The following FREM3 variants were observed in gnomAD, a reference collection of about 807,000 sequenced individuals.
FREM3 encodes FRAS1 related extracellular matrix 3.
In FREM3, 105 loss-of-function variants were observed where a neutral mutation model predicts 129.1. The observed-to-expected ratio is 0.81, with a 90% CI of 0.69 to 0.96. The LOEUF (loss-of-function observed/expected upper bound fraction) is 0.96. FREM3 is among the 40% of genes least tolerant of loss of function. The probability of loss-of-function intolerance (pLI) is 0.00; values close to 1 mark genes in which losing one functional copy is unlikely to be tolerated. For synonymous variants in FREM3, 1,014 were observed against 1,044.9 expected (o/e 0.97, Z 0.57); for missense variants, 2,593 against 2,666.3 (o/e 0.97, Z 0.61).
Position 143,700,066 on chromosome 4 carries a change from C to G in FREM3, c.610G>C (p.Ala204Pro). 1.3e-6 allele frequency: 2 copies of G among 1,523,872 alleles called. No individual in the cohort carries two copies. The highest frequency in any genetic ancestry group is 1.8e-6 in the Non-Finnish European group (2 of 1,137,276). The allele number at this position is 1,523,872 out of a possible 1,614,324, so 94.4% of individuals were successfully genotyped here. ...GGGGTAAGCCGGCACCTGCGGGTGGCCGTGGCTCCAGACTTCAGGGAGGCG... is the reference window on the plus strand; with the variant it reads ...GGGGTAAGCCGGCACCTGCGGGTGGGCGTGGCTCCAGACTTCAGGGAGGCG... ...DFASLKSGAT[A>P]TRRCRLTPLP... The change falls in exon 1 of 8, where the codon GCC (alanine) becomes CCC (proline). Residue 204 changes from alanine to proline, a missense_variant. Ala to Pro is a conservative substitution (Grantham distance 27). Coordinates refer to ENST00000329798, the MANE Select transcript of FREM3 (RefSeq NM_001168235.2).
At chr4:143,662,738 C>G (rs539148016) in intron 2 of FREM3, among the ~76,000 whole-genome samples, 3 of 152,024 alleles carry the variant, frequency 2.0e-5, no homozygotes, top group African/African-American at 7.2e-5. Flanking sequence ...ATAGGTCACT[C>G]AGGACTTGCT....
At chr4:143,623,797 C>T (rs1205699053) in intron 4 of FREM3, among the ~76,000 whole-genome samples, 1 of 152,030 alleles carries the variant, frequency 6.6e-6, no homozygotes, top group African/African-American at 2.4e-5. Context: ...GAAATGAGCC[C>T]TGAGGATTAG....
At chr4:143,613,355 C>G (rs771942107) in intron 5 of FREM3, among the ~76,000 whole-genome samples, 1 of 152,100 alleles carries the variant, frequency 6.6e-6, no homozygotes, top group Admixed American at 6.5e-5. Flanking sequence ...GCTTTGAAAC[C>G]TTATTATCTC....
chr4:143,624,060 C>A (rs371507170), intron 4 of FREM3, 48 bp downstream of exon 4: 1 of 1,101,094 alleles, frequency 9.1e-7, no homozygotes, highest in African/African-American at 1.6e-5. Flanking sequence ...GGAAATGGAG[C>A]CAAGAACCTG....
Position 143,668,230 on chromosome 4 carries a change from A to C in FREM3, c.5275+24883T>G, listed in dbSNP as rs571781680. Reference sequence around the variant, plus strand: ...GATGAGTATCCAGAGCTTATTCTACAAGCTGGGTCAAAGAAATAAAAAGCA... The same window carrying C: ...GATGAGTATCCAGAGCTTATTCTACCAGCTGGGTCAAAGAAATAAAAAGCA... On this transcript the variant is annotated intron_variant, in intron 2 of 7. Coordinates refer to ENST00000329798, the MANE Select transcript of FREM3 (RefSeq NM_001168235.2). 4.6e-5 allele frequency among the ~76,000 whole-genome samples: 7 copies of C among 152,322 alleles called. No individual in the cohort carries two copies. In the South Asian group the frequency reaches 8.3e-4, roughly 18 times the overall value.
rs186282491 is a variant in FREM3, at chr4:143,613,992, T to G, written c.5780-2465A>C. Among the ~76,000 whole-genome samples, 4 of 152,370 alleles carry G rather than the reference T, an allele frequency of 2.6e-5. No individual in the cohort carries two copies. In the East Asian group the frequency reaches 7.7e-4, roughly 29 times the overall value. ...GATTTTTTCTTTTTCTGTTTAATTT[T>G]TTTTTATATTTGACCAATCCACTGG... On this transcript the variant is annotated intron_variant, in intron 5 of 7. Transcript: ENST00000329798.
chr4:143,683,380 G>T (rs1446728904), intron 2 of FREM3, among the ~76,000 whole-genome samples: 1 of 152,194 alleles, frequency 6.6e-6, no homozygotes, highest in East Asian at 1.9e-4. Context: ...GGTAAAGGGA[G>T]ACCCTCCTCT....
chr4:143,578,794 G>A (rs1738083438), intron 7 of FREM3, among the ~76,000 whole-genome samples: 1 of 152,130 alleles, frequency 6.6e-6, no homozygotes, highest in Non-Finnish European at 1.5e-5. Flanking sequence ...AAAGCATCAA[G>A]GTGTTGAGAG....
intron 7 of FREM3, among the ~76,000 whole-genome samples, chr4:143,584,050 TG>T (rs533184598): frequency 3.5e-4 from 53 of 152,346 alleles, no homozygotes; most frequent in African/African-American, 1.3e-3. Flanking sequence ...AACCACATGC[TG>T]TCTTCAAAAG....
At chr4:143,615,251 T>C (rs1476883587) in intron 5 of FREM3, among the ~76,000 whole-genome samples, 1 of 152,254 alleles carries the variant, frequency 6.6e-6, no homozygotes, top group Non-Finnish European at 1.5e-5. Flanking sequence ...CATCTCCTGA[T>C]AGTCAGCCTG....
chr4:143,646,037 G>A lies in FREM3; in HGVS notation c.5276-18277C>T, dbSNP rs147012201. 1.5e-3 allele frequency among the ~76,000 whole-genome samples: 229 copies of A among 152,316 alleles called. 1 individual carries two copies. The highest frequency in any genetic ancestry group is 4.8e-3 in the African/African-American group (201 of 41,566). ...TAGGGGGAGATTTGCCCCTTCCCCAGTGAGAGAGATGAAGTATTTTAATGT... is the reference window on the plus strand; with the variant it reads ...TAGGGGGAGATTTGCCCCTTCCCCAATGAGAGAGATGAAGTATTTTAATGT... On this transcript the variant is annotated intron_variant, in intron 2 of 7. Coordinates refer to ENST00000329798, the MANE Select transcript of FREM3 (RefSeq NM_001168235.2).
At chr4:143,637,311 A>G (rs996248646) in intron 2 of FREM3, among the ~76,000 whole-genome samples, 1 of 152,180 alleles carries the variant, frequency 6.6e-6, no homozygotes, top group Admixed American at 6.5e-5. Flanking sequence ...CTTGGAATAG[A>G]AGAATTGGCA....
chr4:143,634,999 A>G (rs907800854), intron 2 of FREM3, among the ~76,000 whole-genome samples: 1 of 152,106 alleles, frequency 6.6e-6, no homozygotes. Context: ...TGCATTAACA[A>G]TTGTATTCTG....
chr4:143,627,445 C>T (rs1739060019), intron 3 of FREM3, among the ~76,000 whole-genome samples, 169 bp downstream of exon 3: 1 of 152,112 alleles, frequency 6.6e-6, no homozygotes, highest in South Asian at 2.1e-4. Flanking sequence ...ATCTAAGCCC[C>T]ATAACTCACA....
intron 2 of FREM3, among the ~76,000 whole-genome samples, chr4:143,672,558 C>T (rs975892656): frequency 1.6e-4 from 25 of 152,180 alleles, no homozygotes; most frequent in Non-Finnish European, 3.5e-4. Flanking sequence ...GTGAATCTGA[C>T]AATTATGCGT....
chr4:143,648,620 T>C (rs1328796796), intron 2 of FREM3, among the ~76,000 whole-genome samples: 5 of 152,228 alleles, frequency 3.3e-5, no homozygotes, highest in Non-Finnish European at 7.3e-5. Flanking sequence ...TCACTTCTCC[T>C]TCCTGCCACT....
chr4:143,603,052 T>A (rs144402280), intron 6 of FREM3, among the ~76,000 whole-genome samples: 1 of 152,292 alleles, frequency 6.6e-6, no homozygotes, highest in East Asian at 1.9e-4. Flanking sequence ...AAGGAGAGAA[T>A]CTATTAACCA....
intron 6 of FREM3, among the ~76,000 whole-genome samples, chr4:143,595,616 C>A (rs192325733): frequency 6.6e-6 from 1 of 152,062 alleles, no homozygotes; most frequent in Admixed American, 6.5e-5. Flanking sequence ...AGCCGGGCAC[C>A]GTGGCTCTTG....
chr4:143,672,589 G>C (rs1367586507), intron 2 of FREM3, among the ~76,000 whole-genome samples: 1 of 152,156 alleles, frequency 6.6e-6, no homozygotes, highest in Admixed American at 6.5e-5. Context: ...CTCTTCTCGA[G>C]GAGTATCTTT....
Sources: allele counts gnomAD v4.1 joint callset (sites outside exome capture counted in the v4.1 genomes callset), GRCh38; gene constraint gnomAD v4.1.1; transcripts MANE v1.5; gene names NCBI Gene and HGNC (gene_info 2026-07-23, HGNC 2026-07-21).